The following GABRA4 variants were observed in gnomAD, a reference collection of about 807,000 sequenced individuals.
The protein encoded by GABRA4 is gamma-aminobutyric acid type A receptor subunit alpha4.
Under a neutral mutation model 49.7 loss-of-function variants are expected in GABRA4, and 12 were observed. That is an observed-to-expected ratio of 0.24 (90% confidence interval 0.15 to 0.39). The LOEUF (loss-of-function observed/expected upper bound fraction) is 0.39, where lower values mean the gene tolerates loss of function less well. GABRA4 is among the 10% of genes least tolerant of loss of function. GABRA4 has a pLI of 1.00. For missense variants in GABRA4, 506 were observed against 686.0 expected, an observed-to-expected ratio of 0.74 and a Z score of 2.93; for synonymous variants, 288 against 240.2, an observed-to-expected ratio of 1.20 and a Z score of -1.84.
chr4:46,981,551 T>G (rs949390233), intron 2 of GABRA4, among the ~76,000 whole-genome samples: 6 of 152,110 alleles, frequency 3.9e-5, no homozygotes, highest in Admixed American at 1.3e-4. Context: ...CTTCAGACAT[T>G]CATTCAATTA....
intron 7 of GABRA4, among the ~76,000 whole-genome samples, chr4:46,965,594 A>C (rs1234960031): frequency 6.6e-6 from 1 of 151,738 alleles, no homozygotes; most frequent in African/African-American, 2.4e-5. Flanking sequence ...CTGAGCCAAC[A>C]CACCCAACGG....
At chr4:46,966,602 C>A (rs1425718670) in intron 7 of GABRA4, among the ~76,000 whole-genome samples, 1 of 151,650 alleles carries the variant, frequency 6.6e-6, no homozygotes, top group Non-Finnish European at 1.5e-5. Context: ...TATAATATGT[C>A]ACATGGTGCT....
At chr4:46,934,552 A>C (rs905634312) in intron 8 of GABRA4, among the ~76,000 whole-genome samples, 2 of 152,208 alleles carry the variant, frequency 1.3e-5, no homozygotes, top group African/African-American at 4.8e-5. Flanking sequence ...GTTGGCATTT[A>C]ATTCAATGTT....
Position 46,965,039 on chromosome 4 carries a change from T to A in GABRA4, c.1065A>T (p.Thr355=), listed in dbSNP as rs1226928640. The A allele has an allele frequency of 1.2e-6, 2 of 1,612,062 alleles. No homozygotes were observed. The highest frequency in any genetic ancestry group is 4.5e-5 in the East Asian group (2 of 44,800). Reference sequence around the variant, plus strand: ...CGGGAACTTCCTGAGGGGGCTTTGATGTCTTCCTTTTGGCTTTTTCCATTT... The same window carrying A: ...CGGGAACTTCCTGAGGGGGCTTTGAAGTCTTCCTTTTGGCTTTTTCCATTT... ...NIQMEKAKRK[T]SKPPQEVPAA... is the part of the protein sequence containing the mutation. Residue 355 remains threonine (T), a synonymous_variant, in exon 8 of 9, where the codon ACA becomes ACT. Transcript: ENST00000264318.
rs774108315 is a variant in GABRA4, at chr4:46,928,691, A to G, written c.1199T>C (p.Val400Ala). The G allele has an allele frequency of 6.2e-6, 10 of 1,613,122 alleles. No homozygotes were observed. Among genetic ancestry groups the G allele is most frequent in the African/African-American group, 1.3e-5 (1 of 74,870 alleles). ...GTTTCCCACCTCAGTTCTGTTGCCA[A>G]CATCAGATTCAGAGTGAACCAAAGC... Reference protein sequence around the residue: ...TNALVHSESDVGNRTEVGNHS... With the variant: ...TNALVHSESDAGNRTEVGNHS... The change falls in exon 9 of 9, where the codon GTT becomes GCT. Residue 400 changes from valine to alanine, a missense_variant. Val to Ala is a moderately conservative substitution (Grantham distance 64, BLOSUM62 0). This residue lies in a region of GABRA4 where 243 missense variants were observed against 210.8 expected (regional missense o/e 1.15). Coordinates refer to ENST00000264318, the MANE Select transcript of GABRA4 (RefSeq NM_000809.4).
At chr4:46,930,150 G>A (rs567909006) in intron 8 of GABRA4, among the ~76,000 whole-genome samples, 2 of 151,876 alleles carry the variant, frequency 1.3e-5, no homozygotes, top group African/African-American at 4.8e-5. Context: ...GAAAGCATTC[G>A]TCATGTCAGC....
chr4:46,977,617 T>A lies in GABRA4; in HGVS notation c.287A>T (p.Asp96Val). ...VSDVEMEYTM[D>V]VFFRQTWIDK... ...AATCCATGTCTGCCTGAAGAACACATCCATTGTGTATTCCTAGGACAATTA... is the reference window on the plus strand; with the variant it reads ...AATCCATGTCTGCCTGAAGAACACAACCATTGTGTATTCCTAGGACAATTA... Residue 96 changes from aspartate to valine, a missense_variant, in exon 4 of 9, where the codon GAT becomes GTT. Physicochemically the swap from Asp to Val is radical, Grantham distance 152 (BLOSUM62 -3). This residue lies in a region of GABRA4 where 195 missense variants were observed against 326.0 expected (regional missense o/e 0.60). Transcript: ENST00000264318. The A allele has an allele frequency of 6.2e-7, 1 of 1,609,562 alleles. No individual in the cohort carries two copies. Among genetic ancestry groups the A allele is most frequent in the Non-Finnish European group, 8.5e-7 (1 of 1,176,804 alleles).
rs763899380 is a variant in GABRA4 at position 46,977,571 on chromosome 4, G to A, written c.333C>T (p.Asp111=). The A allele has an allele frequency of 2.7e-5, 43 of 1,612,766 alleles. No individual in the cohort carries two copies. Among genetic ancestry groups the A allele is most frequent in the Non-Finnish European group, 3.1e-5 (36 of 1,179,318 alleles). Residue 111 remains aspartate (D), a synonymous_variant, in exon 4 of 9, where the codon GAC becomes GAT. Transcript: ENST00000264318. ...TCAATCTCAAAATTTCAATGGGGCC[G>A]TCATATTTTAATCTTTTGTCAATCC... ...QTWIDKRLKY[D]GPIEILRLNN... is the part of the protein sequence containing the mutation.
chr4:46,941,449 T>C (rs1033658503), intron 8 of GABRA4, among the ~76,000 whole-genome samples: 10 of 152,094 alleles, frequency 6.6e-5, no homozygotes, highest in African/African-American at 2.4e-4. Context: ...GTTAGTGGTG[T>C]GGTAATTTCC....
In GABRA4 at chr4:46,965,041, T is replaced by C. The variant is rs45546331; in HGVS notation, c.1063A>G (p.Thr355Ala). 3.2e-3 allele frequency: 5,157 copies of C among 1,612,096 alleles called. 10 individuals carry two copies. Among genetic ancestry groups the C allele is most frequent in the Non-Finnish European group, 4.2e-3 (4,940 of 1,178,810 alleles). The change falls in exon 8 of 9, where the codon ACA becomes GCA. Residue 355 changes from threonine to alanine, a missense_variant. This residue lies in a region of GABRA4 where 243 missense variants were observed against 210.8 expected (regional missense o/e 1.15). Coordinates refer to ENST00000264318, the MANE Select transcript of GABRA4 (RefSeq NM_000809.4). ...GGAACTTCCTGAGGGGGCTTTGATG[T>C]CTTCCTTTTGGCTTTTTCCATTTGA... Reference protein sequence around the residue: ...NIQMEKAKRKTSKPPQEVPAA... With the variant: ...NIQMEKAKRKASKPPQEVPAA...
At chr4:46,965,857 A>G (rs1577777066) in intron 7 of GABRA4, among the ~76,000 whole-genome samples, 1 of 151,876 alleles carries the variant, frequency 6.6e-6, no homozygotes, top group African/African-American at 2.4e-5. Context: ...ATTTTTATAA[A>G]ACAATAAAGT....
At chr4:46,977,318 A>AAGGG (rs532726655) in intron 4 of GABRA4, 92 bp downstream of exon 4, 142,853 of 586,838 alleles carry the variant, frequency 0.24, 21,220 homozygotes, top group East Asian at 0.3. Flanking sequence ...GGGAGGGAGG[A>AAGGG]AGGGAGGGAG....
chr4:46,991,396 C>T (rs936153234), intron 2 of GABRA4, among the ~76,000 whole-genome samples: 1 of 152,086 alleles, frequency 6.6e-6, no homozygotes. Flanking sequence ...GCCAAAGAAA[C>T]ACCCAACTCT....
chr4:46,969,453 A>G (rs1245683841), intron 7 of GABRA4, among the ~76,000 whole-genome samples: 2 of 151,512 alleles, frequency 1.3e-5, no homozygotes, highest in African/African-American at 4.8e-5. Context: ...GATGATGTGT[A>G]AAGACACAAA....
chr4:46,971,114 A>G lies in GABRA4; in HGVS notation c.843T>C (p.Asn281=). ...CAGTCCTAGCGGGAACTGATTCTTT[A>G]TTTATCCAAAATGAAACTTGAGAAA... The part of the protein sequence containing the change: ...VILSQVSFWI[N]KESVPARTVF... The change falls in exon 7 of 9, where the codon AAT becomes AAC. Residue 281 remains asparagine (N), a synonymous_variant. Coordinates refer to ENST00000264318, the MANE Select transcript of GABRA4 (RefSeq NM_000809.4). The G allele has an allele frequency of 1.2e-6, 2 of 1,609,458 alleles. No individual in the cohort carries two copies. Among genetic ancestry groups the G allele is most frequent in the East Asian group, 2.2e-5 (1 of 44,646 alleles).
At position 46,924,132 on chromosome 4, in the gene GABRA4, T is replaced by A. The variant is rs1721128250; in HGVS notation, c.*4093A>T. 1.3e-5 allele frequency: 2 copies of A among 152,204 alleles called. No homozygotes were observed. The highest frequency in any genetic ancestry group is 3.9e-4 in the East Asian group (2 of 5,192). The allele number at this position is 152,204 out of a possible 1,614,324, so 9.4% of individuals were successfully genotyped here. ...CCTTCAACAATGTAATTAAGTTATG[T>A]GGATCTTTTATCCACCTCTATCTAG... On this transcript the variant is annotated 3_prime_UTR_variant, in exon 9 of 9. Coordinates refer to ENST00000264318, the MANE Select transcript of GABRA4 (RefSeq NM_000809.4).
intron 5 of GABRA4, among the ~76,000 whole-genome samples, chr4:46,976,377 A>T (rs1723140346): frequency 6.7e-6 from 1 of 149,428 alleles, no homozygotes; most frequent in South Asian, 2.1e-4. Flanking sequence ...AAAAAAAAAA[A>T]AGCGGAAGTG....
rs1232898543 is a variant in GABRA4 at position 46,919,462 on chromosome 4, C to T, written c.*8763G>A. 2 of 151,392 alleles carry T rather than the reference C, an allele frequency of 1.3e-5. No individual in the cohort carries two copies. Among genetic ancestry groups the T allele is most frequent in the African/African-American group, 4.8e-5 (2 of 41,368 alleles). 9.4% of individuals were successfully genotyped at this position (151,392 alleles called of 1,614,324 possible). On this transcript the variant is annotated 3_prime_UTR_variant, in exon 9 of 9. Transcript: ENST00000264318. ...GTAATTTTCCCATAAAATCAAAACA[C>T]CTCTATCTCCTATCAAACCTTGAAC...
At chr4:46,964,887 T>C (rs1264741272) in intron 8 of GABRA4, 83 bp downstream of exon 8, 1 of 1,410,424 alleles carries the variant, frequency 7.1e-7, no homozygotes, top group Non-Finnish European at 9.6e-7. Flanking sequence ...TCAGGATTTT[T>C]AAGTTCTCAG....
Sources: gnomAD v4.1 joint callset for allele counts (sites outside exome capture counted in the v4.1 genomes callset) on GRCh38, gnomAD v4.1.1 for gene constraint, gnomAD v4.1.1 regional missense constraint, MANE v1.5 for transcripts, NCBI Gene and HGNC (gene_info 2026-07-23, HGNC 2026-07-21) for gene names.